The following SLAIN2 variants were observed in gnomAD, a reference collection of about 807,000 sequenced individuals.
SLAIN2 encodes SLAIN motif-containing protein 2.
In SLAIN2, 31 loss-of-function variants were observed where a neutral mutation model predicts 56.6. The ratio of observed to expected loss-of-function variants is 0.55; its 90% CI spans 0.41 to 0.74. The LOEUF is 0.74. Among genes scored for constraint, SLAIN2 ranks in the 30% least tolerant of loss-of-function variants. The probability of loss-of-function intolerance (pLI) is 0.00; values close to 1 mark genes in which losing one functional copy is unlikely to be tolerated. For synonymous variants in SLAIN2, 317 were observed against 284.9 expected (o/e 1.11, Z -1.13); for missense variants, 777 against 754.2 (o/e 1.03, Z -0.35).
At chr4:48,412,899 A>G (rs2109785916) in intron 6 of SLAIN2, among the ~76,000 whole-genome samples, 1 of 152,202 alleles carries the variant, frequency 6.6e-6, no homozygotes, top group African/African-American at 2.4e-5. Flanking sequence ...CCCACAAATA[A>G]ACTTTCTGAG....
Position 48,383,706 on chromosome 4 carries a change from G to A in SLAIN2, c.1282G>A (p.Val428Met). The change falls in exon 6 of 8, where the codon GTG becomes ATG. Residue 428 changes from valine (V) to methionine (M), a missense_variant. Val to Met is a conservative substitution (Grantham distance 21). Transcript: ENST00000264313. ...SRTSNTQVDS[V>M]KSSRSDSNFQ... ...AACATCTAATACACAAGTTGACTCA[G>A]TGAAAAGCAGCAGAAGTGACTCAAA... The A allele has an allele frequency of 6.2e-7, 1 of 1,610,932 alleles. No individual in the cohort carries two copies. Among genetic ancestry groups the A allele is most frequent in the Non-Finnish European group, 8.5e-7 (1 of 1,178,144 alleles).
At chr4:48,394,177 C>T (rs956758328) in intron 6 of SLAIN2, among the ~76,000 whole-genome samples, 12 of 152,292 alleles carry the variant, frequency 7.9e-5, no homozygotes, top group South Asian at 2.1e-4. Context: ...TAACAATAAC[C>T]GCTTTGCCAA....
At chr4:48,399,071 A>G (rs1446822458) in intron 6 of SLAIN2, among the ~76,000 whole-genome samples, 2 of 152,168 alleles carry the variant, frequency 1.3e-5, no homozygotes, top group African/African-American at 4.8e-5. Flanking sequence ...CATTGAATCC[A>G]TAAATTACTT....
At chr4:48,349,890 T>C (rs1194983645) in intron 1 of SLAIN2, among the ~76,000 whole-genome samples, 2 of 152,176 alleles carry the variant, frequency 1.3e-5, no homozygotes, top group African/African-American at 4.8e-5. Flanking sequence ...TTTGATAGAA[T>C]TGGAACCCAA....
At chr4:48,403,689 G>A (rs764419803) in intron 6 of SLAIN2, among the ~76,000 whole-genome samples, 9 of 152,188 alleles carry the variant, frequency 5.9e-5, no homozygotes, top group South Asian at 2.1e-4. Context: ...GTGAGGTGCC[G>A]TGGGAATGGA....
At chr4:48,421,419 A>G (rs926232895) in intron 7 of SLAIN2, among the ~76,000 whole-genome samples, 2 of 152,232 alleles carry the variant, frequency 1.3e-5, no homozygotes, top group African/African-American at 4.8e-5. Context: ...GGTGTCAAAT[A>G]TAATTAAACT....
At chr4:48,358,515 C>CCTG in intron 1 of SLAIN2, among the ~76,000 whole-genome samples, 1 of 151,916 alleles carries the variant, frequency 6.6e-6, no homozygotes, top group African/African-American at 2.4e-5. Context: ...GATGGGGTTT[C>CCTG]TCCATGTTGA....
intron 1 of SLAIN2, among the ~76,000 whole-genome samples, chr4:48,350,780 G>C (rs1204284158): frequency 6.6e-6 from 1 of 152,082 alleles, no homozygotes; most frequent in African/African-American, 2.4e-5. Context: ...AGAAATTGCA[G>C]AACAGTTTAC....
intron 4 of SLAIN2, among the ~76,000 whole-genome samples, chr4:48,380,212 C>T (rs1449460456): frequency 6.6e-6 from 1 of 151,930 alleles, no homozygotes; most frequent in African/African-American, 2.4e-5. Flanking sequence ...TTTTTCTTTT[C>T]GGTTGCTCCC....
At chr4:48,408,282 G>T (rs1000934666) in intron 6 of SLAIN2, among the ~76,000 whole-genome samples, 1 of 151,742 alleles carries the variant, frequency 6.6e-6, no homozygotes, top group African/African-American at 2.4e-5. Context: ...AGTGAGGTGT[G>T]ATCGCACCAC....
chr4:48,421,959 T>C, intron 7 of SLAIN2, 52 bp from the exon 8 acceptor site: 1 of 1,357,204 alleles, frequency 7.4e-7, no homozygotes, highest in South Asian at 1.2e-5. Context: ...AGTATGGTAC[T>C]ATTTCATAAA....
At chr4:48,376,456 GAAAA>G (rs143849551) in intron 2 of SLAIN2, among the ~76,000 whole-genome samples, 216 of 127,546 alleles carry the variant, frequency 1.7e-3, no homozygotes, top group African/African-American at 4.3e-3. Context: ...TTGTCTCAGA[GAAAA>G]AAAAAAAAAA....
At chr4:48,419,044 C>T (rs1476069816) in intron 6 of SLAIN2, among the ~76,000 whole-genome samples, 1 of 151,504 alleles carries the variant, frequency 6.6e-6, no homozygotes, top group Non-Finnish European at 1.5e-5. Context: ...GAGCTTTTTT[C>T]AGTCTTTGGC....
intron 1 of SLAIN2, among the ~76,000 whole-genome samples, chr4:48,363,425 G>A (rs1364559675): frequency 4.4e-5 from 3 of 67,476 alleles, no homozygotes; most frequent in African/African-American, 9.4e-5. Context: ...CGGACGGGGC[G>A]GCTGGCCGGG....
In SLAIN2 at chr4:48,419,673, A is replaced by G. The variant is rs900940495; in HGVS notation, c.1361-452A>G. On this transcript the variant is annotated intron_variant, in intron 6 of 7. Coordinates refer to ENST00000264313, the MANE Select transcript of SLAIN2 (RefSeq NM_020846.2). ...AATTTTTAGTTACAGTGTCAGTAAT[A>G]TGGGATTTGGACATAGAGCCTCCAG... 1.4e-4 allele frequency among the ~76,000 whole-genome samples: 21 copies of G among 152,194 alleles called. 1 individual carries two copies. The highest frequency in any genetic ancestry group is 1.2e-3 in the Admixed American group (18 of 15,288).
Position 48,425,347 on chromosome 4 carries a change from A to G in SLAIN2, c.*3270A>G, listed in dbSNP as rs1435296985. On this transcript the variant is annotated 3_prime_UTR_variant, in exon 8 of 8. Coordinates refer to ENST00000264313, the MANE Select transcript of SLAIN2 (RefSeq NM_020846.2). ...TGCCTAGATCATAACTATGTATGGT[A>G]TCTAGTTAGAAAAAAACAAGCAAAA... The G allele has an allele frequency of 3.3e-5, 5 of 152,158 alleles. No homozygotes were observed. The highest frequency in any genetic ancestry group is 7.4e-5 in the Non-Finnish European group (5 of 67,986). 9.4% of individuals were successfully genotyped at this position (152,158 alleles called of 1,614,324 possible). A position where few individuals can be genotyped will look rare whatever the true frequency, so the allele number is the denominator to read the frequency against.
At chr4:48,416,391 GATTTT>G (rs1716995308) in intron 6 of SLAIN2, among the ~76,000 whole-genome samples, 1 of 117,398 alleles carries the variant, frequency 8.5e-6, no homozygotes, top group Non-Finnish European at 1.7e-5. Context: ...GAATGCTTGT[GATTTT>G]TGTACATTGA....
chr4:48,367,632 T>TG (rs902979890), intron 1 of SLAIN2, among the ~76,000 whole-genome samples: 10 of 150,862 alleles, frequency 6.6e-5, no homozygotes, highest in Admixed American at 2.6e-4. Flanking sequence ...GATTTGGGGG[T>TG]GGGGGGGCAG....
intron 6 of SLAIN2, among the ~76,000 whole-genome samples, chr4:48,389,333 G>A (rs1338221559): frequency 6.6e-6 from 1 of 152,198 alleles, no homozygotes; most frequent in Non-Finnish European, 1.5e-5. Flanking sequence ...TCTGGAGCAC[G>A]TTCAAGTTTG....
Sources: allele counts gnomAD v4.1 joint callset (sites outside exome capture counted in the v4.1 genomes callset), GRCh38; gene constraint gnomAD v4.1.1; transcripts MANE v1.5; gene names NCBI Gene and HGNC (gene_info 2026-07-23, HGNC 2026-07-21).